The following LRP1B variants were observed in gnomAD, a reference collection of about 807,000 sequenced individuals.
The protein encoded by LRP1B is LDL receptor related protein 1B.
A neutral mutation model predicts 556.6 loss-of-function variants in LRP1B; 217 were observed. The ratio of observed to expected loss-of-function variants is 0.39; its 90% CI spans 0.35 to 0.44. The LOEUF (loss-of-function observed/expected upper bound fraction) is 0.44. LRP1B is among the 20% of genes least tolerant of loss of function. The pLI is 1.00. For missense variants in LRP1B, 5,053 were observed against 5,620.8 expected (o/e 0.90, Z 3.23); for synonymous variants, 2,047 against 1,865.8 (o/e 1.10, Z -2.50).
intron 41 of LRP1B, among the ~76,000 whole-genome samples, chr2:140,646,858 C>G (rs1255327078): frequency 1.3e-5 from 2 of 151,678 alleles, no homozygotes; most frequent in Non-Finnish European, 2.9e-5. Context: ...GACATATGTA[C>G]TTTTTCAGGT....
rs191095082 is a variant in LRP1B, at chr2:140,928,824, C to T, written c.3137-5677G>A. On this transcript the variant is annotated intron_variant, in intron 20 of 90. Coordinates refer to ENST00000389484, the MANE Select transcript of LRP1B (RefSeq NM_018557.3). ...GCCATGAAGATGTTAGGACAAAGAA[C>T]ACACAGAAGGAATAGCAATTGCAAA... Among the ~76,000 whole-genome samples, 298 of 152,042 alleles carry T rather than the reference C, an allele frequency of 2.0e-3. 2 individuals carry two copies. The highest frequency in any genetic ancestry group is 6.5e-3 in the African/African-American group (270 of 41,504).
At chr2:140,933,133 C>A (rs1695104455) in intron 20 of LRP1B, among the ~76,000 whole-genome samples, 1 of 151,738 alleles carries the variant, frequency 6.6e-6, no homozygotes, top group Admixed American at 6.6e-5. Flanking sequence ...CACAAATGCC[C>A]ACCTAGACTT....
intron 18 of LRP1B, among the ~76,000 whole-genome samples, chr2:140,975,678 C>T (rs1473934020): frequency 6.6e-6 from 1 of 152,158 alleles, no homozygotes; most frequent in Non-Finnish European, 1.5e-5. Flanking sequence ...GAGTTGAAAG[C>T]AGTGCTGGAC....
chr2:141,131,602 T>C lies in LRP1B; in HGVS notation c.1013+56819A>G, dbSNP rs975017606. Among the ~76,000 whole-genome samples the C allele has an allele frequency of 4.6e-5, 7 of 151,428 alleles. No individual in the cohort carries two copies. The East Asian group carries it at 1.2e-3, about 25-fold the overall frequency. On this transcript the variant is annotated intron_variant, in intron 7 of 90. Coordinates refer to ENST00000389484, the MANE Select transcript of LRP1B (RefSeq NM_018557.3). ...AAAAATATTCCAAATGAATTAAAGA[T>C]CTGAACAAAAGAAATTAATTATGGA... is the stretch of plus-strand genomic sequence containing the variant.
At chr2:141,217,871 T>C (rs1476020521) in intron 6 of LRP1B, among the ~76,000 whole-genome samples, 1 of 152,054 alleles carries the variant, frequency 6.6e-6, no homozygotes, top group Non-Finnish European at 1.5e-5. Context: ...TAAGGAACTT[T>C]AAGGAACTTA....
intron 3 of LRP1B, among the ~76,000 whole-genome samples, chr2:141,312,161 C>A (rs1686834983): frequency 6.6e-6 from 1 of 152,012 alleles, no homozygotes; most frequent in Admixed American, 6.6e-5. Context: ...CCTGGCTGTC[C>A]TGCTGCTTCC....
At chr2:141,997,216 G>A (rs185648785) in intron 1 of LRP1B, among the ~76,000 whole-genome samples, 2 of 152,056 alleles carry the variant, frequency 1.3e-5, no homozygotes, top group African/African-American at 4.8e-5. Flanking sequence ...ACAACAGCCT[G>A]GGTTTAATTT....
intron 59 of LRP1B, among the ~76,000 whole-genome samples, chr2:140,484,427 G>A (rs1173170316): frequency 1.3e-5 from 2 of 152,104 alleles, no homozygotes; most frequent in Non-Finnish European, 2.9e-5. Context: ...TGAAATATGT[G>A]AATAAAATTA....
At chr2:141,780,333 G>A (rs536603188) in intron 2 of LRP1B, among the ~76,000 whole-genome samples, 2 of 152,014 alleles carry the variant, frequency 1.3e-5, no homozygotes, top group South Asian at 2.1e-4. Context: ...ATGAAATTTT[G>A]TGTAGAAATA....
rs535435971 is a variant in LRP1B, at chr2:141,161,781, C to T, written c.1013+26640G>A. On this transcript the variant is annotated intron_variant, in intron 7 of 90. Coordinates refer to ENST00000389484, the MANE Select transcript of LRP1B (RefSeq NM_018557.3). ...TTAGGAGATGGGTGATTCTTAAACTCAGGATGCTCAGCTATGACACAAGCT... is the reference window on the plus strand; with the variant it reads ...TTAGGAGATGGGTGATTCTTAAACTTAGGATGCTCAGCTATGACACAAGCT... 1.7e-3 allele frequency among the ~76,000 whole-genome samples: 258 copies of T among 152,048 alleles called. 2 individuals carry two copies. The highest frequency in any genetic ancestry group is 2.9e-3 in the Non-Finnish European group (196 of 67,996).
chr2:140,908,375 T>G (rs1196622779), intron 21 of LRP1B, among the ~76,000 whole-genome samples: 1 of 145,806 alleles, frequency 6.9e-6, no homozygotes, highest in Non-Finnish European at 1.5e-5. Flanking sequence ...AATATATATA[T>G]ATATATATAT....
Position 141,691,399 on chromosome 2 carries a change from G to A in LRP1B, c.205+118880C>T, listed in dbSNP as rs908046480. On this transcript the variant is annotated intron_variant, in intron 2 of 90. Coordinates refer to ENST00000389484, the MANE Select transcript of LRP1B (RefSeq NM_018557.3). ...GGCTGAACTGTCCCAGTGACCAGATGGAAACAGAATTTTTCTTCTGAGTAA... is the reference window on the plus strand; with the variant it reads ...GGCTGAACTGTCCCAGTGACCAGATAGAAACAGAATTTTTCTTCTGAGTAA... Among the ~76,000 whole-genome samples, 3 of 139,212 alleles carry A rather than the reference G, an allele frequency of 2.2e-5. No individual in the cohort carries two copies. In the Admixed American group the frequency reaches 2.2e-4, roughly 10 times the overall value. 91.3% of individuals were successfully genotyped at this position (139,212 alleles called of 152,430 possible).
At chr2:142,013,839 G>A (rs1358149669) in intron 1 of LRP1B, among the ~76,000 whole-genome samples, 1 of 152,066 alleles carries the variant, frequency 6.6e-6, no homozygotes, top group Non-Finnish European at 1.5e-5. Flanking sequence ...AAATGAGCCT[G>A]GGACTTGCTG....
chr2:141,014,645 C>A (rs984914336), intron 13 of LRP1B, among the ~76,000 whole-genome samples: 3 of 151,970 alleles, frequency 2.0e-5, no homozygotes, highest in East Asian at 1.9e-4. Context: ...ATTCTTCTCA[C>A]CAAATTATCA....
chr2:141,633,754 A>G (rs978871460), intron 2 of LRP1B, among the ~76,000 whole-genome samples: 5 of 149,764 alleles, frequency 3.3e-5, no homozygotes, highest in African/African-American at 9.7e-5. Flanking sequence ...CTCATTAAAC[A>G]TATACTTATT....
chr2:140,445,707 A>C (rs1395041501), intron 63 of LRP1B, among the ~76,000 whole-genome samples: 2 of 152,014 alleles, frequency 1.3e-5, no homozygotes, highest in Non-Finnish European at 1.5e-5. Flanking sequence ...ATTTAATCTC[A>C]CCATAACATT....
chr2:141,871,595 G>A (rs769180148), intron 1 of LRP1B, among the ~76,000 whole-genome samples: 3 of 151,992 alleles, frequency 2.0e-5, no homozygotes, highest in Non-Finnish European at 4.4e-5. Context: ...ATAATCTAGT[G>A]AGATGAAACA....
At chr2:142,040,628 T>G (rs1180171615) in intron 1 of LRP1B, among the ~76,000 whole-genome samples, 2 of 150,746 alleles carry the variant, frequency 1.3e-5, no homozygotes, top group African/African-American at 2.4e-5. Flanking sequence ...ACTGAGGTTT[T>G]TTTTTTTTTT....
At chr2:140,895,671 C>A (rs1178660540) in intron 23 of LRP1B, among the ~76,000 whole-genome samples, 1 of 152,116 alleles carries the variant, frequency 6.6e-6, no homozygotes, top group Non-Finnish European at 1.5e-5. Context: ...TCAGGTCACA[C>A]AACGAACTGA....
Sources: gnomAD v4.1 joint callset for allele counts (sites outside exome capture counted in the v4.1 genomes callset) on GRCh38, gnomAD v4.1.1 for gene constraint, MANE v1.5 for transcripts, NCBI Gene and HGNC (gene_info 2026-07-23, HGNC 2026-07-21) for gene names.